The following ZNF208 variants were observed in gnomAD, a reference collection of about 807,000 sequenced individuals.
ZNF208 encodes zinc finger protein 95.
ZNF208 carries 10 observed loss-of-function variants against 12.1 expected under a neutral mutation model. That is an observed-to-expected ratio of 0.83 (90% CI 0.51 to 1.40). The LOEUF is 1.40. Ranked by LOEUF, ZNF208 falls within the 40% of genes most tolerant of loss-of-function variation. The pLI, the probability that ZNF208 is intolerant of heterozygous loss-of-function variation, is 0.00. For missense variants in ZNF208, 1,652 were observed against 1,485.0 expected, an observed-to-expected ratio of 1.11 and a Z score of -1.85; for synonymous variants, 497 against 488.4, an observed-to-expected ratio of 1.02 and a Z score of -0.23.
chr19:21,996,932 G>T (rs1360630556), intron 1 of ZNF208, among the ~76,000 whole-genome samples: 1 of 152,128 alleles, frequency 6.6e-6, no homozygotes, highest in Non-Finnish European at 1.5e-5. Context: ...GCATATTTAG[G>T]GTACAGCATG....
chr19:21,945,985 TAGG>T (rs892277359), intron 4 of ZNF208, among the ~76,000 whole-genome samples: 1 of 151,996 alleles, frequency 6.6e-6, no homozygotes, highest in Non-Finnish European at 1.5e-5. Context: ...GATGCACAAG[TAGG>T]AGAACCTAAA....
intron 4 of ZNF208, among the ~76,000 whole-genome samples, chr19:21,958,610 C>T (rs1402238019): frequency 6.6e-6 from 1 of 152,120 alleles, no homozygotes; most frequent in Non-Finnish European, 1.5e-5. Flanking sequence ...CAATTCATGT[C>T]CTCTACTAAA....
chr19:21,951,480 A>G (rs1225982555), intron 4 of ZNF208, among the ~76,000 whole-genome samples: 4 of 152,194 alleles, frequency 2.6e-5, no homozygotes, highest in Admixed American at 6.5e-5. Flanking sequence ...GTTTTAAGCA[A>G]ATTTTTGAAA....
chr19:21,976,127 T>C (rs1043206165), intron 3 of ZNF208, among the ~76,000 whole-genome samples: 5 of 152,162 alleles, frequency 3.3e-5, no homozygotes, highest in Non-Finnish European at 5.9e-5. Flanking sequence ...CATTTTTAAT[T>C]ATTCTCTAAC....
downstream of ZNF208, among the ~76,000 whole-genome samples, chr19:21,965,115 G>C (rs934800446): frequency 6.6e-6 from 1 of 152,104 alleles, no homozygotes; most frequent in African/African-American, 2.4e-5. Flanking sequence ...AATTTTGACT[G>C]TCAATTATAA....
At chr19:21,956,708 G>A (rs1419574464) in intron 4 of ZNF208, among the ~76,000 whole-genome samples, 1 of 152,182 alleles carries the variant, frequency 6.6e-6, no homozygotes, top group Non-Finnish European at 1.5e-5. Flanking sequence ...TAGGGTGGGA[G>A]TGTCCCGATT....
intron 4 of ZNF208, among the ~76,000 whole-genome samples, chr19:21,958,177 C>CG (rs534075143): frequency 6.7e-6 from 1 of 149,138 alleles, no homozygotes; most frequent in Non-Finnish European, 1.5e-5. Context: ...TAGTTTCTAA[C>CG]AAAAAAAAAA....
chr19:21,985,957 TC>T (rs1197180529), intron 3 of ZNF208, among the ~76,000 whole-genome samples: 4 of 152,284 alleles, frequency 2.6e-5, no homozygotes, highest in African/African-American at 9.6e-5. Flanking sequence ...ATTTACTCTG[TC>T]CAAAAATAAA....
intron 1 of ZNF208, among the ~76,000 whole-genome samples, chr19:22,009,331 T>C (rs946502974): frequency 6.6e-6 from 1 of 152,058 alleles, no homozygotes; most frequent in Non-Finnish European, 1.5e-5. Context: ...GCAGATAGAC[T>C]TGAGGTCCTG....
In ZNF208 at chr19:21,969,761, G is replaced by A. The variant is rs139337202; in HGVS notation, c.*1430C>T. Among the ~76,000 whole-genome samples the A allele has an allele frequency of 4.6e-3, 706 of 152,092 alleles. 4 individuals carry two copies. Among genetic ancestry groups the A allele is most frequent in the Middle Eastern group, 0.02 (6 of 294 alleles). ...ACAACCCTCTTAATATTTATAATGTGTTTCCTCAAAATAAATATTCTTCTG... is the reference window on the plus strand; with the variant it reads ...ACAACCCTCTTAATATTTATAATGTATTTCCTCAAAATAAATATTCTTCTG... On this transcript the variant is annotated 3_prime_UTR_variant, in exon 4 of 4. Transcript: ENST00000397126.
chr19:21,996,254 G>A (rs1243386519), intron 1 of ZNF208, among the ~76,000 whole-genome samples: 1 of 152,048 alleles, frequency 6.6e-6, no homozygotes, highest in African/African-American at 2.4e-5. Flanking sequence ...GCACTTACAA[G>A]TGGATTTGTG....
chr19:22,007,314 T>C (rs1202200041), intron 1 of ZNF208, among the ~76,000 whole-genome samples: 1 of 151,676 alleles, frequency 6.6e-6, no homozygotes, highest in East Asian at 2.0e-4. Flanking sequence ...GGTCAGGAGA[T>C]TGAGACCATC....
Position 21,988,817 on chromosome 19 carries a change from C to T in ZNF208, c.96G>A (p.Val32=). ...DTAQQNLYRN[V]MLENYRNLVF... ...CCAGGTTTCTGTAGTTCTCTAACAT[C>T]ACATTTCTATATAAATTCTGCTGTG... The change falls in exon 2 of 4, where the codon GTG becomes GTA. Residue 32 remains valine (V), a synonymous_variant. Transcript: ENST00000397126. 1 of 1,614,160 alleles carries T rather than the reference C, an allele frequency of 6.2e-7. No homozygotes were observed.
At chr19:21,959,647 T>C (rs961756216) in intron 4 of ZNF208, among the ~76,000 whole-genome samples, 7 of 152,164 alleles carry the variant, frequency 4.6e-5, no homozygotes, top group African/African-American at 1.7e-4. Context: ...CAGCTATACA[T>C]GGAAAAATAT....
At chr19:22,004,084 G>A (rs1486375007) in intron 1 of ZNF208, among the ~76,000 whole-genome samples, 1 of 152,054 alleles carries the variant, frequency 6.6e-6, no homozygotes, top group African/African-American at 2.4e-5. Flanking sequence ...AGCTTAGGTA[G>A]AAGAGGATTG....
chr19:21,992,214 C>T (rs1326368865), intron 1 of ZNF208, among the ~76,000 whole-genome samples: 3 of 152,168 alleles, frequency 2.0e-5, no homozygotes, highest in African/African-American at 7.2e-5. Flanking sequence ...TGTCAGAAAG[C>T]TTATCAACCA....
chr19:21,955,736 T>G (rs986313052), intron 4 of ZNF208, among the ~76,000 whole-genome samples: 6 of 152,234 alleles, frequency 3.9e-5, no homozygotes, highest in Admixed American at 1.3e-4. Context: ...TGTCTAATCT[T>G]TTTTCAAGGT....
chr19:21,974,228 G>T lies in ZNF208; in HGVS notation c.806C>A (p.Ser269Tyr), dbSNP rs759463011. The T allele has an allele frequency of 6.2e-7, 1 of 1,611,380 alleles. No homozygotes were observed. Among genetic ancestry groups the T allele is most frequent in the African/African-American group, 1.3e-5 (1 of 74,714 alleles). The change falls in exon 4 of 4, where the codon TCT becomes TAT. Residue 269 changes from serine (S) to tyrosine (Y), a missense_variant. Physicochemically the swap from Ser to Tyr is moderately radical, Grantham distance 144. This residue lies in a region of ZNF208 where 410 missense variants were observed against 378.2 expected (regional missense o/e 1.08). Coordinates refer to ENST00000397126, the MANE Select transcript of ZNF208 (RefSeq NM_007153.3). ...TATCTTATGTTTAGTAAGGATTGCA[G>T]ATTGGTTAAAAGCCTTGCCACATTC... Reference protein sequence around the residue: ...CEECGKAFNQSAILTKHKIIH... With the variant: ...CEECGKAFNQYAILTKHKIIH...
At chr19:21,941,676 G>A (rs1451103068) in intron 4 of ZNF208, 3 of 333,386 alleles carry the variant, frequency 9.0e-6, no homozygotes, top group Admixed American at 4.8e-5. Context: ...TTCAAAGTAA[G>A]TATATTTTAA....
Sources: gnomAD v4.1 joint callset for allele counts (sites outside exome capture counted in the v4.1 genomes callset) on GRCh38, gnomAD v4.1.1 for gene constraint, gnomAD v4.1.1 regional missense constraint, MANE v1.5 for transcripts, NCBI Gene and HGNC (gene_info 2026-07-23, HGNC 2026-07-21) for gene names.